Variants in EYS observed in about 807,000 individuals in gnomAD.
EYS encodes the protein EGF-like photoreceptor maintenance factor.
A neutral mutation model predicts 282.1 loss-of-function variants in EYS; 250 were observed. The observed-to-expected ratio is 0.89, with a 90% CI of 0.80 to 0.98. The LOEUF (loss-of-function observed/expected upper bound fraction) is 0.98, where lower values mean the gene tolerates loss of function less well. Among genes scored for constraint, EYS ranks in the 50% least tolerant of loss-of-function variants. EYS has a pLI of 0.00. For missense variants in EYS, 4,016 were observed against 3,709.0 expected (o/e 1.08, Z -2.15); for synonymous variants, 1,355 against 1,282.9 (o/e 1.06, Z -1.20).
intron 31 of EYS, among the ~76,000 whole-genome samples, chr6:64,187,726 T>C (rs1401095978): frequency 6.6e-6 from 1 of 152,070 alleles, no homozygotes; most frequent in Non-Finnish European, 1.5e-5. Flanking sequence ...GCAATAGATA[T>C]TGTTTCATTA....
intron 11 of EYS, among the ~76,000 whole-genome samples, chr6:65,316,702 TC>T (rs1380323499): frequency 1.3e-5 from 2 of 152,020 alleles, no homozygotes; most frequent in African/African-American, 4.8e-5. Context: ...ATTGTTCAAC[TC>T]CCACTTATGA....
intron 12 of EYS, among the ~76,000 whole-genome samples, chr6:65,097,000 T>C: frequency 6.6e-6 from 1 of 150,880 alleles, no homozygotes; most frequent in Non-Finnish European, 1.5e-5. Flanking sequence ...TAAAGAATTA[T>C]GACTACATCA....
chr6:64,553,982 T>G (rs1201448676), intron 26 of EYS, among the ~76,000 whole-genome samples: 1 of 152,166 alleles, frequency 6.6e-6, no homozygotes, highest in Non-Finnish European at 1.5e-5. Context: ...CTTATACAGA[T>G]ATATTATAAA....
rs57677958 is a variant in EYS, at chr6:64,125,171, T to TCG, written c.6425-43170_6425-43169insCG. Among the ~76,000 whole-genome samples, 434 of 151,038 alleles carry TCG rather than the reference T, an allele frequency of 2.9e-3. 3 individuals are homozygous for TCG. The highest frequency in any genetic ancestry group is 0.01 in the African/African-American group (414 of 40,868). On this transcript the variant is annotated intron_variant, in intron 31 of 42. Transcript: ENST00000503581. ...CACTCTCTGTCTCTCTCTCTCTCTC[T>TCG]CTCTCGCTCTCTCTCTCTCTCAAGG...
At chr6:64,579,984 C>T (rs1351636048) in intron 26 of EYS, among the ~76,000 whole-genome samples, 4 of 152,012 alleles carry the variant, frequency 2.6e-5, no homozygotes, top group African/African-American at 9.7e-5. Flanking sequence ...ATTGAGCCAC[C>T]CAACTTCTTC....
intron 30 of EYS, among the ~76,000 whole-genome samples, chr6:64,241,129 TGCTG>T (rs909845757): frequency 2.0e-5 from 3 of 152,214 alleles, no homozygotes; most frequent in Admixed American, 1.3e-4. Context: ...TTTGATGTGC[TGCTG>T]GATTAGGTTT....
intron 29 of EYS, among the ~76,000 whole-genome samples, chr6:64,381,167 C>G (rs1014649454): frequency 1.8e-4 from 27 of 152,114 alleles, no homozygotes; most frequent in Admixed American, 1.8e-3. Context: ...TACTAACTTT[C>G]TTTATACTAA....
intron 29 of EYS, among the ~76,000 whole-genome samples, chr6:64,347,018 T>C (rs1035793566): frequency 7.3e-5 from 11 of 151,552 alleles, no homozygotes; most frequent in African/African-American, 1.9e-4. Flanking sequence ...ATTCCATTTA[T>C]AATCTTTAAA....
chr6:65,365,886 T>C (rs567646583), intron 8 of EYS, among the ~76,000 whole-genome samples: 13 of 151,832 alleles, frequency 8.6e-5, no homozygotes, highest in African/African-American at 2.6e-4. Context: ...GTAATGTGGA[T>C]TGCCTTATTT....
intron 31 of EYS, among the ~76,000 whole-genome samples, chr6:64,133,813 T>C (rs1774070425): frequency 6.6e-6 from 1 of 152,108 alleles, no homozygotes; most frequent in South Asian, 2.1e-4. Flanking sequence ...ACAAATGGGT[T>C]TCCCTATTTT....
At chr6:65,483,910 C>T (rs1407781967) in intron 5 of EYS, among the ~76,000 whole-genome samples, 3 of 152,038 alleles carry the variant, frequency 2.0e-5, no homozygotes, top group East Asian at 1.9e-4. Context: ...CATCGGCTCT[C>T]GTGAGACTTA....
intron 37 of EYS, among the ~76,000 whole-genome samples, chr6:63,792,736 A>G (rs1002532633): frequency 1.3e-5 from 2 of 151,958 alleles, no homozygotes; most frequent in African/African-American, 2.4e-5. Context: ...CCTGATTGGT[A>G]TTAGTAACTG....
chr6:64,102,891 T>G (rs1206023297), intron 31 of EYS, among the ~76,000 whole-genome samples: 1 of 151,102 alleles, frequency 6.6e-6, no homozygotes, highest in Non-Finnish European at 1.5e-5. Flanking sequence ...AATACAAACA[T>G]ATCTTTTTTT....
chr6:65,453,977 C>T (rs571922611), intron 5 of EYS, among the ~76,000 whole-genome samples: 16 of 151,772 alleles, frequency 1.1e-4, no homozygotes, highest in African/African-American at 3.6e-4. Context: ...ATAAATTGTG[C>T]TGTAATAAGT....
chr6:63,877,917 C>A (rs1773021983), intron 35 of EYS, among the ~76,000 whole-genome samples: 1 of 152,180 alleles, frequency 6.6e-6, no homozygotes. Context: ...GTTCGAACAT[C>A]CTCCTTTAGC....
chr6:65,317,822 C>CT (rs1329978842), intron 11 of EYS, among the ~76,000 whole-genome samples: 39 of 53,374 alleles, frequency 7.3e-4, no homozygotes, highest in African/African-American at 1.2e-3. Context: ...TCCTTCCTTC[C>CT]TTCCTTTCTT....
In EYS at chr6:64,590,738, G is replaced by A. The variant is rs1434705276; in HGVS notation, c.5129C>T (p.Thr1710Ile). ...ATTTAGTACCTCAGTGGGTCCCATA[G>A]TTATGCCATATTGTCTTATTTTCAA... ...KLLKIRQYGITMGPTEVLNQE... is the reference protein window; with the variant it reads ...KLLKIRQYGIIMGPTEVLNQE... The change falls in exon 26 of 43, where the codon ACT becomes ATT. Residue 1710 changes from threonine to isoleucine, a missense_variant. Thr to Ile is a moderately conservative substitution (Grantham distance 89, BLOSUM62 -1). Transcript: ENST00000503581. The A allele has an allele frequency of 6.4e-7, 1 of 1,550,912 alleles. No individual in the cohort carries two copies. Among genetic ancestry groups the A allele is most frequent in the African/African-American group, 1.4e-5 (1 of 72,988 alleles).
At chr6:64,780,258 G>T (rs1324023493) in intron 22 of EYS, among the ~76,000 whole-genome samples, 1 of 152,166 alleles carries the variant, frequency 6.6e-6, no homozygotes, top group Non-Finnish European at 1.5e-5. Context: ...ATAAGAGGCT[G>T]AAATAAGATT....
chr6:63,806,102 T>C, intron 37 of EYS, 88 bp downstream of exon 37: 2 of 1,197,078 alleles, frequency 1.7e-6, no homozygotes, highest in Non-Finnish European at 2.3e-6. Flanking sequence ...GTCTTTTTTT[T>C]ACCACAGCCA....
Sources: allele counts gnomAD v4.1 joint callset (sites outside exome capture counted in the v4.1 genomes callset), GRCh38; gene constraint gnomAD v4.1.1; transcripts MANE v1.5; gene names NCBI Gene and HGNC (gene_info 2026-07-23, HGNC 2026-07-21).